The following RFX1 variants were observed in gnomAD, a reference collection of about 807,000 sequenced individuals.
RFX1 encodes the protein regulatory factor X1, also known as MHC class II regulatory factor RFX1.
RFX1 carries 42 observed loss-of-function variants against 119.6 expected under a neutral mutation model. The ratio of observed to expected loss-of-function variants is 0.35; its 90% CI spans 0.27 to 0.45. The LOEUF (loss-of-function observed/expected upper bound fraction) is 0.45. Among genes scored for constraint, RFX1 ranks in the 20% least tolerant of loss-of-function variants. The pLI is 1.00. For missense variants in RFX1, 1,118 were observed against 1,368.1 expected, an observed-to-expected ratio of 0.82 and a Z score of 2.88; for synonymous variants, 628 against 618.5, an observed-to-expected ratio of 1.02 and a Z score of -0.23.
At position 13,993,732 on chromosome 19, in the gene RFX1, G is replaced by C. The variant is rs1473851184; in HGVS notation, c.112C>G (p.Pro38Ala). The C allele has an allele frequency of 7.6e-6, 12 of 1,588,888 alleles. No individual in the cohort carries two copies. The East Asian group carries it at 2.7e-4, about 36-fold the overall frequency. The change falls in exon 2 of 21, where the codon CCC becomes GCC. Residue 38 changes from proline to alanine, a missense_variant. Around this residue, in one of 5 missense-constraint regions of RFX1, gnomAD observed 542 missense variants for 602.7 expected, o/e 0.90. Transcript: ENST00000254325. ...QPPPPPPPAA[P>A]QPPQPPTAAA... ...GCGGTGGGTGGCTGCGGGGGCTGGG[G>C]TGCCGCTGGGGGTGGTGGCGGTGGC...
In RFX1 at chr19:13,972,828, G is replaced by C; in HGVS notation, c.1229C>G (p.Ala410Gly). ...SGSTGGGGSG[A>G]GTYVIQGGYM... ...GCCGCCTTGGATCACGTAGGTGCCT[G>C]CTCCGCTGCCGCCGCCTCCGGTGCT... The change falls in exon 9 of 21, where the codon GCA becomes GGA. Residue 410 changes from alanine to glycine, a missense_variant. Around this residue, in one of 5 missense-constraint regions of RFX1, gnomAD observed 542 missense variants for 602.7 expected, o/e 0.90. Transcript: ENST00000254325. 6.3e-7 allele frequency: 1 copy of C among 1,599,508 alleles called. No individual in the cohort carries two copies. The highest frequency in any genetic ancestry group is 8.5e-7 in the Non-Finnish European group (1 of 1,174,660).
At position 13,993,790 on chromosome 19, in the gene RFX1, C is replaced by T. The variant is rs771266031; in HGVS notation, c.54G>A (p.Pro18=). ...GCTGGGCTTGTGGCGGGGCCTGTGG[C>T]GGCTGGGATGGTGGCGGGGCTGCCT... ...ELQAAPPPSQ[P]PQAPPQAQPQ... The change falls in exon 2 of 21, where the codon CCG becomes CCA. Residue 18 remains proline (P), a synonymous_variant. Coordinates refer to ENST00000254325, the MANE Select transcript of RFX1 (RefSeq NM_002918.5). 24 of 1,578,188 alleles carry T rather than the reference C, an allele frequency of 1.5e-5. No individual in the cohort carries two copies. The highest frequency in any genetic ancestry group is 9.8e-5 in the African/African-American group (7 of 71,730).
At chr19:13,994,772 T>C (rs977429632) in intron 1 of RFX1, among the ~76,000 whole-genome samples, 3 of 149,134 alleles carry the variant, frequency 2.0e-5, no homozygotes, top group Non-Finnish European at 4.4e-5. Flanking sequence ...TTTTTACTTA[T>C]ATATTGAAAT....
In RFX1 at chr19:13,972,953, G is replaced by A. The variant is rs771989045; in HGVS notation, c.1104C>T (p.Ser368=). ...TGGCCCCAGCCCCAGTGCTGGTGGA[G>A]CTGGCGACGACCTGGCTGCCGGACA... ...MYVSGSQVVA[S]STSTGAGASN... Residue 368 remains serine (S), a synonymous_variant, in exon 9 of 21, where the codon AGC becomes AGT. Transcript: ENST00000254325. The A allele has an allele frequency of 6.3e-7, 1 of 1,599,170 alleles. No individual in the cohort carries two copies. The highest frequency in any genetic ancestry group is 8.5e-7 in the Non-Finnish European group (1 of 1,179,454).
chr19:13,970,221 G>C (rs149265349), intron 9 of RFX1, 46 bp from the exon 10 acceptor site: 2 of 1,508,680 alleles, frequency 1.3e-6, no homozygotes, highest in Non-Finnish European at 9.0e-7. Context: ...AGGCGCTTCC[G>C]TCATCTCTGA....
chr19:14,002,881 A>T (rs973382348), intron 1 of RFX1, among the ~76,000 whole-genome samples: 2 of 152,242 alleles, frequency 1.3e-5, no homozygotes, highest in African/African-American at 4.8e-5. Context: ...GGCTCCAGAG[A>T]CGCCATTCCA....
chr19:13,984,480 A>G (rs1347553277), intron 2 of RFX1, among the ~76,000 whole-genome samples: 1 of 152,146 alleles, frequency 6.6e-6, no homozygotes, highest in African/African-American at 2.4e-5. Flanking sequence ...AGATGCTATC[A>G]GGCAGGCACA....
chr19:13,980,412 C>T lies in RFX1; in HGVS notation c.738+161G>A, dbSNP rs1974389967. 6.6e-6 allele frequency among the ~76,000 whole-genome samples: 1 copy of T among 152,226 alleles called. No individual in the cohort carries two copies. Among genetic ancestry groups the T allele is most frequent in the Admixed American group, 6.5e-5 (1 of 15,274 alleles). ...ATCCTCTAGCCCCAGGATGCTGAGT[C>T]TGGAGACAGGCAGAGATGCTTATCA... On this transcript the variant is annotated intron_variant, in intron 6 of 20. Coordinates refer to ENST00000254325, the MANE Select transcript of RFX1 (RefSeq NM_002918.5). This position sits in a 1 kb window ranked among gnomAD's most constrained non-coding sequence, Gnocchi z 5.1.
Position 13,983,193 on chromosome 19 carries a change from G to A in RFX1, c.507C>T (p.Pro169=), listed in dbSNP as rs1367475847. The A allele has an allele frequency of 6.4e-7, 1 of 1,571,402 alleles. No homozygotes were observed. The highest frequency in any genetic ancestry group is 8.6e-7 in the Non-Finnish European group (1 of 1,162,810). Reference sequence around the variant, plus strand: ...CCAGGTGCAGCAGCATTACCTGCTGGGGCACTTGGATGTTGGTCAGCTGGA... The same window carrying A: ...CCAGGTGCAGCAGCATTACCTGCTGAGGCACTTGGATGTTGGTCAGCTGGA... ...SPLQLTNIQV[P]QQALPTQRLV... is the part of the protein sequence containing the mutation. Residue 169 remains proline (P), a synonymous_variant, in exon 4 of 21, where the codon CCC becomes CCT. Transcript: ENST00000254325.
chr19:14,004,947 C>T (rs1975322825), intron 1 of RFX1, among the ~76,000 whole-genome samples: 1 of 152,224 alleles, frequency 6.6e-6, no homozygotes, highest in African/African-American at 2.4e-5. Flanking sequence ...CTGACCGCTC[C>T]TGCCCACGTG....
At position 13,980,738 on chromosome 19, in the gene RFX1, T is replaced by TCTCTGGGGTGGGCTCGCATCCA. The variant is rs779224991; in HGVS notation, c.622-50_622-49insTGGATGCGAGCCCACCCCAGAG. 1.4e-6 allele frequency: 2 copies of TCTCTGGGGTGGGCTCGCATCCA among 1,388,550 alleles called. No individual in the cohort carries two copies. Among genetic ancestry groups the TCTCTGGGGTGGGCTCGCATCCA allele is most frequent in the Non-Finnish European group, 2.0e-6 (2 of 999,992 alleles). The allele number at this position is 1,388,550 out of a possible 1,614,324, so 86.0% of individuals were successfully genotyped here. A position where few individuals can be genotyped will look rare whatever the true frequency, so the allele number is the denominator to read the frequency against. ...GTGCCGCTGGGGTGGGCTTGCATCCTCTCTGAGGTGGGCTCACACACACAC... is the reference window on the plus strand; with the variant it reads ...GTGCCGCTGGGGTGGGCTTGCATCCTCTCTGGGGTGGGCTCGCATCCACTCTGAGGTGGGCTCACACACACAC... On this transcript the variant is annotated intron_variant, in intron 5 of 20. Coordinates refer to ENST00000254325, the MANE Select transcript of RFX1 (RefSeq NM_002918.5). This position sits in a 1 kb window ranked among gnomAD's most constrained non-coding sequence, Gnocchi z 5.1.
rs542736582 is a variant in RFX1, at chr19:13,980,840, G to T, written c.622-151C>A. 3 of 576,108 alleles carry T rather than the reference G, an allele frequency of 5.2e-6. No individual in the cohort carries two copies. Among genetic ancestry groups the T allele is most frequent in the Admixed American group, 3.2e-5 (1 of 31,348 alleles). 35.7% of individuals were successfully genotyped at this position (576,108 alleles called of 1,614,324 possible). On this transcript the variant is annotated intron_variant, in intron 5 of 20. Coordinates refer to ENST00000254325, the MANE Select transcript of RFX1 (RefSeq NM_002918.5). The surrounding 1 kb of genome is among the most constrained non-coding windows in gnomAD (Gnocchi z 5.1). Reference sequence around the variant, plus strand: ...CAACCACCGAGGCTGGTAACTGACCGCGTCCCACGCATCCAAATGCCTACT... The same window carrying T: ...CAACCACCGAGGCTGGTAACTGACCTCGTCCCACGCATCCAAATGCCTACT...
Position 13,980,952 on chromosome 19 carries a change from G to A in RFX1, c.622-263C>T, listed in dbSNP as rs990335708. ...TGGCTGATGGTGGGTGGTGCCGCCA[G>A]CACCCCTGAAGCTCTCCTGGGGCTG... On this transcript the variant is annotated intron_variant, in intron 5 of 20. Transcript: ENST00000254325. The surrounding 1 kb of genome is among the most constrained non-coding windows in gnomAD (Gnocchi z 5.1). Among the ~76,000 whole-genome samples, 2 of 152,230 alleles carry A rather than the reference G, an allele frequency of 1.3e-5. No individual in the cohort carries two copies. The highest frequency in any genetic ancestry group is 2.9e-5 in the Non-Finnish European group (2 of 68,038).
intron 1 of RFX1, among the ~76,000 whole-genome samples, chr19:13,997,904 C>G (rs1178432271): frequency 1.3e-5 from 2 of 152,106 alleles, no homozygotes; most frequent in African/African-American, 4.8e-5. Context: ...CTGCCTTGAA[C>G]AAGGCGAAGA....
At chr19:13,964,632 C>G (rs1241234695) in intron 16 of RFX1, among the ~76,000 whole-genome samples, 4 of 152,148 alleles carry the variant, frequency 2.6e-5, no homozygotes, top group Non-Finnish European at 5.9e-5. Context: ...TAGGTGCACA[C>G]CACCACGCCG....
Position 13,963,714 on chromosome 19 carries a change from G to C in RFX1, c.2394C>G (p.Asp798Glu). The C allele has an allele frequency of 6.2e-7, 1 of 1,601,938 alleles. No individual in the cohort carries two copies. The highest frequency in any genetic ancestry group is 8.5e-7 in the Non-Finnish European group (1 of 1,176,340). ...CCTGCTCCAGCCGCTGCACCACGCG[G>C]TCCTCGCAGCGGCACACCCACGAGG... ...EQASWVCRCE[D>E]RVVQRLEQDF... is the part of the protein sequence containing the mutation. Residue 798 changes from aspartate to glutamate, a missense_variant, in exon 18 of 21, where the codon GAC (aspartate) becomes GAG (glutamate). Asp to Glu is a conservative substitution (Grantham distance 45). This residue lies in a region of RFX1 where 68 missense variants were observed against 67.2 expected (regional missense o/e 1.01). Coordinates refer to ENST00000254325, the MANE Select transcript of RFX1 (RefSeq NM_002918.5).
At position 13,965,199 on chromosome 19, in the gene RFX1, T is replaced by A. The variant is rs997534172; in HGVS notation, c.2211+250A>T. Among the ~76,000 whole-genome samples, 3 of 152,220 alleles carry A rather than the reference T, an allele frequency of 2.0e-5. No individual in the cohort carries two copies. The highest frequency in any genetic ancestry group is 2.9e-5 in the Non-Finnish European group (2 of 68,040). On this transcript the variant is annotated intron_variant, in intron 16 of 20. Transcript: ENST00000254325. This position sits in a 1 kb window ranked among gnomAD's most constrained non-coding sequence, Gnocchi z 4.7. ...ACTGTACATTTGCAGTTGGTTTTTA[T>A]TTTTGAAAGATGCTGTGTTGAGTAC...
chr19:13,969,980 A>T lies in RFX1; in HGVS notation c.1496+14T>A. ...ATTCCCCAGGGACTGCTGGGAGTAGACGGATGGCCCTACCTGGTGCCCAGA... is the reference window on the plus strand; with the variant it reads ...ATTCCCCAGGGACTGCTGGGAGTAGTCGGATGGCCCTACCTGGTGCCCAGA... On this transcript the variant is annotated intron_variant, in intron 10 of 20. Transcript: ENST00000254325. This position sits in a 1 kb window ranked among gnomAD's most constrained non-coding sequence, Gnocchi z 4.5. The T allele has an allele frequency of 6.3e-7, 1 of 1,596,534 alleles. No individual in the cohort carries two copies. The highest frequency in any genetic ancestry group is 8.5e-7 in the Non-Finnish European group (1 of 1,170,218).
Position 13,980,796 on chromosome 19 carries a change from A to G in RFX1, c.622-107T>C. ...AGGAGAGCTGTCTGGGGAGGGCGGC[A>G]GTCTGTGGGGACCTATCCCAACCAC... On this transcript the variant is annotated intron_variant, in intron 5 of 20. Coordinates refer to ENST00000254325, the MANE Select transcript of RFX1 (RefSeq NM_002918.5). The surrounding 1 kb of genome is among the most constrained non-coding windows in gnomAD (Gnocchi z 5.1). 1 of 648,016 alleles carries G rather than the reference A, an allele frequency of 1.5e-6. No individual in the cohort carries two copies. The highest frequency in any genetic ancestry group is 1.9e-5 in the South Asian group (1 of 52,826). 40.1% of individuals were successfully genotyped at this position (648,016 alleles called of 1,614,324 possible).
Sources: gnomAD v4.1 joint callset for allele counts (sites outside exome capture counted in the v4.1 genomes callset) on GRCh38, gnomAD v4.1.1 for gene constraint, gnomAD v4.1.1 regional missense constraint, Gnocchi (gnomAD v3.1) non-coding constraint, MANE v1.5 for transcripts, NCBI Gene and HGNC (gene_info 2026-07-23, HGNC 2026-07-21) for gene names.